Variants in ST3GAL3 observed in about 807,000 individuals in gnomAD.
The protein encoded by ST3GAL3 is ST3 beta-galactoside alpha-2,3-sialyltransferase 3, also known as CMP-N-acetylneuraminate-beta-1,4-galactoside alpha-2,3-sialyltransferase.
A neutral mutation model predicts 50.1 loss-of-function variants in ST3GAL3; 21 were observed. The observed-to-expected ratio is 0.42, with a 90% CI of 0.30 to 0.60. ST3GAL3 has a LOEUF of 0.60. Among genes scored for constraint, ST3GAL3 ranks in the 20% least tolerant of loss-of-function variants. ST3GAL3 has a pLI of 0.19. For synonymous variants in ST3GAL3, 183 were observed against 190.0 expected (o/e 0.96, Z 0.30); for missense variants, 353 against 489.4 (o/e 0.72, Z 2.63).
chr1:43,861,991 G>A (rs1238396674), intron 5 of ST3GAL3, among the ~76,000 whole-genome samples: 3 of 149,544 alleles, frequency 2.0e-5, no homozygotes, highest in Non-Finnish European at 3.0e-5. Context: ...TCACGCCATT[G>A]TACTCCTGCC....
chr1:43,721,074 T>C (rs116501673), intron 1 of ST3GAL3, among the ~76,000 whole-genome samples: 2,011 of 151,906 alleles, frequency 0.013, 48 homozygotes, highest in African/African-American at 0.047. Context: ...AATGAGACCC[T>C]TGTCTCTACA....
chr1:43,879,712 T>C (rs1481612602), intron 5 of ST3GAL3, among the ~76,000 whole-genome samples: 1 of 152,190 alleles, frequency 6.6e-6, no homozygotes, highest in Non-Finnish European at 1.5e-5. Flanking sequence ...GAAAAAAGAA[T>C]GACTCCTAGG....
At chr1:43,887,739 A>G (rs2076173603) in intron 5 of ST3GAL3, among the ~76,000 whole-genome samples, 1 of 152,194 alleles carries the variant, frequency 6.6e-6, no homozygotes. Flanking sequence ...ATCGCTTGAA[A>G]CTTGGTAATA....
rs556599602 is a variant in ST3GAL3 at position 43,726,902 on chromosome 1, C to T, written c.-30-9331C>T. Among the ~76,000 whole-genome samples, 485 of 152,264 alleles carry T rather than the reference C, an allele frequency of 3.2e-3. 2 individuals are homozygous for T. The highest frequency in any genetic ancestry group is 0.011 in the African/African-American group (463 of 41,564). The stretch of plus-strand genomic sequence containing the variant: ...AGCCATTGTTTCTGGCCCTGTATCC[C>T]ATTTCTTGTAAAACTTGTATGCATT... On this transcript the variant is annotated intron_variant, in intron 1 of 11. Transcript: ENST00000347631.
At chr1:43,714,503 G>A (rs918369916) in intron 1 of ST3GAL3, among the ~76,000 whole-genome samples, 13 of 151,498 alleles carry the variant, frequency 8.6e-5, no homozygotes, top group Non-Finnish European at 1.5e-5. Flanking sequence ...TGCTCTGGAG[G>A]CTGAGGCAGG....
At chr1:43,783,149 T>C (rs1392765368) in intron 2 of ST3GAL3, among the ~76,000 whole-genome samples, 2 of 152,132 alleles carry the variant, frequency 1.3e-5, no homozygotes, top group African/African-American at 2.4e-5. Flanking sequence ...CAAAGTTACA[T>C]AGTGGGAAAA....
At chr1:43,714,696 G>T (rs1225319707) in intron 1 of ST3GAL3, among the ~76,000 whole-genome samples, 1 of 152,194 alleles carries the variant, frequency 6.6e-6, no homozygotes, top group Admixed American at 6.5e-5. Flanking sequence ...ACACAAATGT[G>T]TGTGACCATA....
rs564844487 is a variant in ST3GAL3, at chr1:43,921,304, CAT to C, written c.1038+379_1038+380del. 1.2e-3 allele frequency: 601 copies of C among 516,546 alleles called. 5 individuals are homozygous for C. The Middle Eastern group carries it at 0.018, about 16-fold the overall frequency. 32.0% of individuals were successfully genotyped at this position (516,546 alleles called of 1,614,324 possible). On this transcript the variant is annotated intron_variant, in intron 11 of 11. Coordinates refer to ENST00000347631, the MANE Select transcript of ST3GAL3 (RefSeq NM_006279.5). ...CTGCCTCTGGGTCTCAGGACTTCTC[CAT>C]ATCTCTTCCACCCTTCCCCACAGCC... is the stretch of plus-strand genomic sequence containing the variant.
intron 5 of ST3GAL3, among the ~76,000 whole-genome samples, chr1:43,889,591 A>G (rs138216351): frequency 6.6e-6 from 1 of 152,340 alleles, no homozygotes; most frequent in African/African-American, 2.4e-5. Context: ...CTGCAAAGAA[A>G]CCTTAAATTG....
At chr1:43,806,714 G>T (rs963619430) in intron 3 of ST3GAL3, among the ~76,000 whole-genome samples, 7 of 152,160 alleles carry the variant, frequency 4.6e-5, no homozygotes, top group African/African-American at 1.7e-4. Context: ...TTTGAAACAG[G>T]GTCTTACTCC....
chr1:43,736,090 GC>G (rs1198500531), intron 1 of ST3GAL3, 142 bp from the exon 2 acceptor site: 97 of 732,370 alleles, frequency 1.3e-4, no homozygotes, highest in Non-Finnish European at 2.0e-4. Context: ...ATGGGGATGA[GC>G]AGGTTAGAAG....
chr1:43,843,154 G>C (rs2065689151), intron 5 of ST3GAL3, among the ~76,000 whole-genome samples: 1 of 152,230 alleles, frequency 6.6e-6, no homozygotes, highest in African/African-American at 2.4e-5. Context: ...AGCCTTGCCT[G>C]TTCCCAGTCT....
intron 5 of ST3GAL3, among the ~76,000 whole-genome samples, chr1:43,889,678 C>T (rs1432175468): frequency 1.3e-5 from 2 of 151,978 alleles, no homozygotes; most frequent in African/African-American, 2.4e-5. Flanking sequence ...TATATGTATA[C>T]GTTAGGATCA....
At chr1:43,742,926 T>C (rs200175862) in intron 2 of ST3GAL3, among the ~76,000 whole-genome samples, 1 of 152,016 alleles carries the variant, frequency 6.6e-6, no homozygotes, top group Non-Finnish European at 1.5e-5. Flanking sequence ...GGTGAAACCC[T>C]GTCTCTACTA....
rs1226170163 is a variant in ST3GAL3, at chr1:43,775,206, A to G, written c.119-16896A>G. On this transcript the variant is annotated intron_variant, in intron 2 of 11. Coordinates refer to ENST00000347631, the MANE Select transcript of ST3GAL3 (RefSeq NM_006279.5). ...TCTTCCTGATTGCCAGAACCTCCCT[A>G]TTTTTCAAGAGAAGCTGGAAATCTG... 5.4e-5 allele frequency among the ~76,000 whole-genome samples: 8 copies of G among 147,490 alleles called. No individual in the cohort carries two copies. In the Admixed American group the frequency reaches 5.4e-4, roughly 10 times the overall value.
chr1:43,765,032 T>A (rs1362746327), intron 2 of ST3GAL3, among the ~76,000 whole-genome samples: 1 of 152,256 alleles, frequency 6.6e-6, no homozygotes, highest in Non-Finnish European at 1.5e-5. Flanking sequence ...AAAAATAATT[T>A]CATTTTTCAT....
chr1:43,747,097 A>G (rs1684062800), intron 2 of ST3GAL3, among the ~76,000 whole-genome samples: 1 of 152,060 alleles, frequency 6.6e-6, no homozygotes, highest in Non-Finnish European at 1.5e-5. Context: ...GCATTATCTT[A>G]CCACAATAAA....
intron 2 of ST3GAL3, among the ~76,000 whole-genome samples, chr1:43,766,526 C>T (rs955687882): frequency 4.6e-5 from 7 of 152,112 alleles, no homozygotes; most frequent in Non-Finnish European, 8.8e-5. Context: ...TGGGAAAGTG[C>T]TCTAGCAGAC....
At chr1:43,729,702 C>T (rs1358977596) in intron 1 of ST3GAL3, among the ~76,000 whole-genome samples, 7 of 152,156 alleles carry the variant, frequency 4.6e-5, no homozygotes, top group Non-Finnish European at 8.8e-5. Context: ...TGCATAGTAC[C>T]TATTTTGTGT....
Sources: gnomAD v4.1 joint callset for allele counts (sites outside exome capture counted in the v4.1 genomes callset) on GRCh38, gnomAD v4.1.1 for gene constraint, MANE v1.5 for transcripts, NCBI Gene and HGNC (gene_info 2026-07-23, HGNC 2026-07-21) for gene names.